Variants in CCDC83 observed in about 807,000 individuals in gnomAD.
The protein encoded by CCDC83 is coiled-coil domain-containing protein 83.
CCDC83 carries 54 observed loss-of-function variants against 50.1 expected under a neutral mutation model. The ratio of observed to expected loss-of-function variants is 1.08; its 90% CI spans 0.87 to 1.35. CCDC83 has a LOEUF of 1.35. Ranked by LOEUF, CCDC83 falls within the 40% of genes most tolerant of loss-of-function variation. The pLI is 0.00. For synonymous variants in CCDC83, 161 were observed against 153.3 expected (o/e 1.05, Z -0.37); for missense variants, 518 against 473.9 (o/e 1.09, Z -0.86).
intron 2 of CCDC83, among the ~76,000 whole-genome samples, chr11:85,866,173 T>C (rs2153682511): frequency 6.6e-6 from 1 of 152,304 alleles, no homozygotes; most frequent in South Asian, 2.1e-4. Flanking sequence ...ACAAGGTAAG[T>C]GTTTTAACTT....
intron 8 of CCDC83, among the ~76,000 whole-genome samples, chr11:85,912,415 C>G (rs532859684): frequency 6.6e-6 from 1 of 152,274 alleles, no homozygotes; most frequent in African/African-American, 2.4e-5. Context: ...GGGAGATAAG[C>G]TGGGTGGGGC....
chr11:85,858,864 C>T (rs892884811), intron 1 of CCDC83, among the ~76,000 whole-genome samples: 1 of 152,156 alleles, frequency 6.6e-6, no homozygotes. Flanking sequence ...GAGAGCCTGA[C>T]TTAGTGCTGG....
intron 7 of CCDC83, among the ~76,000 whole-genome samples, chr11:85,901,453 G>C (rs1342329825): frequency 6.6e-6 from 1 of 151,918 alleles, no homozygotes; most frequent in Non-Finnish European, 1.5e-5. Flanking sequence ...AGCACCCGTA[G>C]TCCCAAATAC....
intron 5 of CCDC83, among the ~76,000 whole-genome samples, chr11:85,894,567 T>C (rs2093364079): frequency 6.6e-6 from 1 of 152,180 alleles, no homozygotes; most frequent in Admixed American, 6.5e-5. Context: ...AGAATTTTAG[T>C]TTTTCTTCCT....
intron 8 of CCDC83, among the ~76,000 whole-genome samples, chr11:85,914,356 T>C (rs928310713): frequency 7.9e-5 from 12 of 152,292 alleles, no homozygotes; most frequent in African/African-American, 2.9e-4. Context: ...TACAGAGTTT[T>C]CAAAGCATGA....
chr11:85,866,137 AG>A (rs1407909536), intron 2 of CCDC83, among the ~76,000 whole-genome samples: 1 of 152,202 alleles, frequency 6.6e-6, no homozygotes, highest in African/African-American at 2.4e-5. Context: ...TAGCTCCTTG[AG>A]GGTCTGTGAA....
intron 7 of CCDC83, among the ~76,000 whole-genome samples, chr11:85,906,623 A>T (rs1371954674): frequency 6.6e-6 from 1 of 152,228 alleles, no homozygotes; most frequent in Non-Finnish European, 1.5e-5. Context: ...TCCCACCTAT[A>T]CTACCAGCAC....
rs1296162702 is a variant in CCDC83, at chr11:85,862,020, A to AG, written c.-28-3076_-28-3075insG. Among the ~76,000 whole-genome samples the AG allele has an allele frequency of 4.2e-3, 603 of 145,250 alleles. 8 individuals are homozygous for AG. Among genetic ancestry groups the AG allele is most frequent in the African/African-American group, 0.015 (578 of 38,566 alleles). ...CATTAAAAAAAAAAAAAAAAAAAAA[A>AG]AGAGAGTCATTTATTTTAAGCTTTC... is the stretch of plus-strand genomic sequence containing the variant. On this transcript the variant is annotated intron_variant, in intron 1 of 10. Transcript: ENST00000342404.
At chr11:85,914,708 C>A (rs2093469732) in intron 8 of CCDC83, among the ~76,000 whole-genome samples, 2 of 152,080 alleles carry the variant, frequency 1.3e-5, no homozygotes, top group Admixed American at 1.3e-4. Flanking sequence ...CTTCTTTCAC[C>A]CCTAGCTCTT....
chr11:85,878,772 G>A (rs1174991075), intron 3 of CCDC83, among the ~76,000 whole-genome samples: 1 of 152,132 alleles, frequency 6.6e-6, no homozygotes, highest in Non-Finnish European at 1.5e-5. Flanking sequence ...CAAACTGGCT[G>A]TACCTTTTAC....
At chr11:85,900,134 G>C (rs561816446) in intron 7 of CCDC83, among the ~76,000 whole-genome samples, 2 of 152,282 alleles carry the variant, frequency 1.3e-5, no homozygotes, top group South Asian at 4.1e-4. Context: ...GAGATTCTCT[G>C]CTCAGAGTCT....
intron 6 of CCDC83, among the ~76,000 whole-genome samples, chr11:85,896,762 A>ATTT: frequency 6.8e-6 from 1 of 146,818 alleles, no homozygotes; most frequent in Non-Finnish European, 1.5e-5. Context: ...AAAATATCTG[A>ATTT]TTTTTTTTTT....
At chr11:85,865,675 G>A (rs1305548392) in intron 2 of CCDC83, among the ~76,000 whole-genome samples, 5 of 152,152 alleles carry the variant, frequency 3.3e-5, no homozygotes, top group Non-Finnish European at 5.9e-5. Context: ...ATCACCTGAG[G>A]TTGGGAGTTC....
At chr11:85,913,733 C>T (rs1052919136) in intron 8 of CCDC83, among the ~76,000 whole-genome samples, 1 of 152,140 alleles carries the variant, frequency 6.6e-6, no homozygotes, top group Non-Finnish European at 1.5e-5. Flanking sequence ...ATTTGTTTGA[C>T]ACATTGGGGC....
At position 85,898,326 on chromosome 11, in the gene CCDC83, G is replaced by A. The variant is rs182770750; in HGVS notation, c.604-621G>A. On this transcript the variant is annotated intron_variant, in intron 6 of 10. Coordinates refer to ENST00000342404, the MANE Select transcript of CCDC83 (RefSeq NM_001286159.2). ...CATAGTATCCATATAAAAGCATCTC[G>A]CAGAGAAATACAGTTGGTTATTCAC... Among the ~76,000 whole-genome samples, 145 of 152,006 alleles carry A rather than the reference G, an allele frequency of 9.5e-4. 2 individuals carry two copies. The highest frequency in any genetic ancestry group is 5.8e-4 in the East Asian group (3 of 5,180).
chr11:85,888,074 T>C (rs975651465), intron 5 of CCDC83, among the ~76,000 whole-genome samples: 1 of 152,218 alleles, frequency 6.6e-6, no homozygotes, highest in Admixed American at 6.5e-5. Flanking sequence ...TCTAGTGTTT[T>C]AGTATTACAA....
At chr11:85,861,952 GA>G (rs1297644887) in intron 1 of CCDC83, among the ~76,000 whole-genome samples, 37 of 144,268 alleles carry the variant, frequency 2.6e-4, no homozygotes, top group African/African-American at 8.6e-4. Flanking sequence ...AAGTTGGAAT[GA>G]CCCTGCATTT....
At position 85,886,243 on chromosome 11, in the gene CCDC83, G is replaced by C; in HGVS notation, c.387G>C (p.Glu129Asp). ...GTAATGCTGAGAAACTATTTCTTGA[G>C]AAACTCAGTGAAAAGGAATATTGGG... ...QISNAEKLFL[E>D]KLSEKEYWEE... Residue 129 changes from glutamate to aspartate, a missense_variant, in exon 5 of 11, where the codon GAG becomes GAC. Physicochemically the swap from Glu to Asp is conservative, Grantham distance 45 (BLOSUM62 2). Transcript: ENST00000342404. The C allele has an allele frequency of 6.2e-7, 1 of 1,600,496 alleles. No homozygotes were observed. The highest frequency in any genetic ancestry group is 1.1e-5 in the South Asian group (1 of 87,956).
intron 2 of CCDC83, among the ~76,000 whole-genome samples, chr11:85,865,913 A>AG (rs1362593689): frequency 2.8e-4 from 42 of 152,136 alleles, no homozygotes; most frequent in Admixed American, 2.5e-3. Flanking sequence ...AAAAAAAAAA[A>AG]AGAGAGAATG....
Sources: gnomAD v4.1 joint callset for allele counts (sites outside exome capture counted in the v4.1 genomes callset) on GRCh38, gnomAD v4.1.1 for gene constraint, MANE v1.5 for transcripts, NCBI Gene and HGNC (gene_info 2026-07-23, HGNC 2026-07-21) for gene names.